RALGPS1: variants seen among roughly 807,000 people sequenced by gnomAD.
The protein encoded by RALGPS1 is ras-specific guanine nucleotide-releasing factor RalGPS1.
A neutral mutation model predicts 78.8 loss-of-function variants in RALGPS1; 19 were observed. That is an observed-to-expected ratio of 0.24 (90% CI 0.17 to 0.35). The LOEUF is 0.35. RALGPS1 is among the 10% of genes least tolerant of loss of function. RALGPS1 has a pLI of 1.00. For missense variants in RALGPS1, 454 were observed against 688.3 expected (o/e 0.66, Z 3.81); for synonymous variants, 228 against 256.3 (o/e 0.89, Z 1.06).
intron 9 of RALGPS1, 131 bp downstream of exon 9, chr9:127,166,337 G>A (rs1189940190): frequency 6.5e-6 from 7 of 1,070,950 alleles, no homozygotes; most frequent in African/African-American, 1.6e-5. Flanking sequence ...CATCAAACAT[G>A]TACTAGATCC....
At chr9:127,017,432 A>G (rs1040121196) in intron 4 of RALGPS1, among the ~76,000 whole-genome samples, 2 of 152,252 alleles carry the variant, frequency 1.3e-5, no homozygotes, top group Non-Finnish European at 2.9e-5. Flanking sequence ...TAGGACACTT[A>G]CCATGGATGG....
intron 11 of RALGPS1, chr9:127,184,322 GAAAAA>G: frequency 4.6e-6 from 1 of 216,594 alleles, no homozygotes; most frequent in Non-Finnish European, 9.1e-6. Flanking sequence ...CTTGTCTCAG[GAAAAA>G]AAAAAAAAAG....
rs187206268 is a variant in RALGPS1, at chr9:126,970,480, G to C, written c.165+4529G>C. On this transcript the variant is annotated intron_variant, in intron 3 of 18. Transcript: ENST00000259351. ...GTGAGTAGAAGGGATCTGTGGAATA[G>C]CCATTATGACCTCTTGAAACCAGGC... is the stretch of plus-strand genomic sequence containing the variant. Among the ~76,000 whole-genome samples, 12 of 152,300 alleles carry C rather than the reference G, an allele frequency of 7.9e-5. No homozygotes were observed. The East Asian group carries it at 2.3e-3, about 29-fold the overall frequency.
intron 18 of RALGPS1, chr9:127,217,034 C>T (rs767440282): frequency 1.5e-5 from 22 of 1,497,442 alleles, no homozygotes; most frequent in Non-Finnish European, 1.9e-5. Context: ...CAGTCAGGAG[C>T]AACAGTGGTA....
chr9:126,974,512 A>G (rs1336955576), intron 3 of RALGPS1, among the ~76,000 whole-genome samples: 2 of 151,750 alleles, frequency 1.3e-5, no homozygotes, highest in South Asian at 2.1e-4. Flanking sequence ...GAGAAATACT[A>G]CATTTAACAT....
chr9:127,141,452 T>TTCCA (rs955232468), intron 8 of RALGPS1, among the ~76,000 whole-genome samples: 5 of 151,956 alleles, frequency 3.3e-5, no homozygotes, highest in African/African-American at 1.2e-4. Flanking sequence ...CCTTGGGGGT[T>TTCCA]TCCAGCTCAG....
At chr9:127,136,522 C>T (rs1483656069) in intron 8 of RALGPS1, among the ~76,000 whole-genome samples, 1 of 152,170 alleles carries the variant, frequency 6.6e-6, no homozygotes, top group African/African-American at 2.4e-5. Context: ...GGACTGTGTG[C>T]CTTGGGAGAG....
rs2062769954 is a variant in RALGPS1, at chr9:127,221,378, C to T, written c.*2609C>T. The T allele has an allele frequency of 6.6e-6, 1 of 152,200 alleles. No homozygotes were observed. The highest frequency in any genetic ancestry group is 2.4e-5 in the African/African-American group (1 of 41,460). The allele number at this position is 152,200 out of a possible 1,614,324, so 9.4% of individuals were successfully genotyped here. A position where few individuals can be genotyped will look rare whatever the true frequency, so the allele number is the denominator to read the frequency against. ...CATGCATATGCTGAATTTTTTTAAG[C>T]AAATGGATCATGGCACCCCAAAATG... On this transcript the variant is annotated 3_prime_UTR_variant, in exon 19 of 19. Coordinates refer to ENST00000259351, the MANE Select transcript of RALGPS1 (RefSeq NM_014636.3).
At chr9:127,030,665 G>A (rs1200690750) in intron 4 of RALGPS1, among the ~76,000 whole-genome samples, 1 of 151,878 alleles carries the variant, frequency 6.6e-6, no homozygotes, top group Non-Finnish European at 1.5e-5. Flanking sequence ...ATTAATGGGA[G>A]AAGCTTAATG....
chr9:127,075,285 T>C (rs11794686), intron 8 of RALGPS1, among the ~76,000 whole-genome samples: 57,710 of 152,204 alleles, frequency 0.38, 12,785 homozygotes, highest in Non-Finnish European at 0.48. Context: ...ACATTTCTTA[T>C]GTTGCATCTG....
intron 8 of RALGPS1, among the ~76,000 whole-genome samples, chr9:127,161,964 G>A (rs1003053923): frequency 6.6e-6 from 1 of 152,158 alleles, no homozygotes; most frequent in East Asian, 1.9e-4. Flanking sequence ...CGATAATCTG[G>A]GCAAAGCTCT....
At chr9:126,998,999 C>A (rs1286272171) in intron 4 of RALGPS1, among the ~76,000 whole-genome samples, 1 of 78,286 alleles carries the variant, frequency 1.3e-5, no homozygotes, top group African/African-American at 5.5e-5. Context: ...AGGGGAACAT[C>A]ACACACTGGG....
chr9:126,962,187 T>G (rs2038953338), intron 1 of RALGPS1, 38 bp from the exon 2 acceptor site: 3 of 1,200,524 alleles, frequency 2.5e-6, no homozygotes, highest in Non-Finnish European at 3.6e-6. Flanking sequence ...ATAAATTTGT[T>G]TTGAAGACTG....
At chr9:126,954,709 G>A (rs2038182754) in intron 1 of RALGPS1, among the ~76,000 whole-genome samples, 1 of 152,196 alleles carries the variant, frequency 6.6e-6, no homozygotes, top group South Asian at 2.1e-4. Flanking sequence ...GGCTGAGGCA[G>A]GAGAATTGTT....
intron 8 of RALGPS1, among the ~76,000 whole-genome samples, chr9:127,110,559 C>T (rs1172971962): frequency 6.6e-6 from 1 of 152,212 alleles, no homozygotes; most frequent in African/African-American, 2.4e-5. Flanking sequence ...ACTCTAGACT[C>T]ATACATACAG....
At chr9:127,181,702 G>C (rs2060232893) in intron 11 of RALGPS1, among the ~76,000 whole-genome samples, 1 of 152,178 alleles carries the variant, frequency 6.6e-6, no homozygotes, top group South Asian at 2.1e-4. Flanking sequence ...CTTGTGGCAA[G>C]AGAGGAGGAG....
intron 4 of RALGPS1, among the ~76,000 whole-genome samples, chr9:127,011,631 A>G (rs1200037595): frequency 6.6e-6 from 1 of 152,208 alleles, no homozygotes; most frequent in East Asian, 1.9e-4. Context: ...GTAACTTCTG[A>G]CTAGGTTTGT....
At chr9:126,962,109 C>T in intron 1 of RALGPS1, 116 bp from the exon 2 acceptor site, 1 of 609,698 alleles carries the variant, frequency 1.6e-6, no homozygotes, top group Middle Eastern at 3.9e-4. Context: ...TAGCTTATGA[C>T]CTTTCTTTAA....
intron 5 of RALGPS1, among the ~76,000 whole-genome samples, chr9:127,038,406 G>GT (rs887569766): frequency 2.2e-4 from 33 of 152,134 alleles, no homozygotes; most frequent in Non-Finnish European, 4.3e-4. Flanking sequence ...GGGGCCTTCT[G>GT]TTTTTTTCTG....
Sources: gnomAD v4.1 joint callset for allele counts (sites outside exome capture counted in the v4.1 genomes callset) on GRCh38, gnomAD v4.1.1 for gene constraint, MANE v1.5 for transcripts, NCBI Gene and HGNC (gene_info 2026-07-23, HGNC 2026-07-21) for gene names.